Variants in LDB3 observed in about 807,000 individuals in gnomAD.
The protein encoded by LDB3 is LIM domain-binding protein 3.
Under a neutral mutation model 69.0 loss-of-function variants are expected in LDB3, and 49 were observed. That is an observed-to-expected ratio of 0.71 (90% CI 0.56 to 0.90). The LOEUF is 0.90. Among genes scored for constraint, LDB3 ranks in the 40% least tolerant of loss-of-function variants. LDB3 has a pLI of 0.00. For synonymous variants in LDB3, 387 were observed against 396.2 expected (o/e 0.98, Z 0.28); for missense variants, 928 against 974.1 (o/e 0.95, Z 0.63).
At chr10:86,685,736 G>A (rs371246396) in intron 5 of LDB3, 80 of 1,613,284 alleles carry the variant, frequency 5.0e-5, no homozygotes, top group Middle Eastern at 1.7e-4. Context: ...GTGCGCTTGC[G>A]TGCCAGCCCC....
Position 86,735,652 on chromosome 10 carries a change from G to A in LDB3, c.*2676G>A, listed in dbSNP as rs1165281100. The A allele has an allele frequency of 6.6e-6, 1 of 151,884 alleles. No homozygotes were observed. 9.4% of individuals were successfully genotyped at this position (151,884 alleles called of 1,614,324 possible). On this transcript the variant is annotated 3_prime_UTR_variant, in exon 14 of 14. Coordinates refer to ENST00000361373, the MANE Select transcript of LDB3 (RefSeq NM_007078.3). Reference sequence around the variant, plus strand: ...CAAAATTAGCCAGGTGTGGTGGCAGGCGCCTGTAGTTCCAGCTACTTGGGA... The same window carrying A: ...CAAAATTAGCCAGGTGTGGTGGCAGACGCCTGTAGTTCCAGCTACTTGGGA...
Position 86,681,717 on chromosome 10 carries a change from G to A in LDB3, c.603G>A (p.Leu201=), listed in dbSNP as rs1845149782. ...GGCAATATAACAACCCCATTGGCCTGTACTCGGCAGAGACCCTGAGGGAGA... is the reference window on the plus strand; with the variant it reads ...GGCAATATAACAACCCCATTGGCCTATACTCGGCAGAGACCCTGAGGGAGA... ...QPRQYNNPIG[L]YSAETLREMA... is the part of the protein sequence containing the mutation. Residue 201 remains leucine, a synonymous_variant, in exon 5 of 14, where the codon CTG becomes CTA. Transcript: ENST00000361373. 3 of 1,612,288 alleles carry A rather than the reference G, an allele frequency of 1.9e-6. No homozygotes were observed. Among genetic ancestry groups the A allele is most frequent in the African/African-American group, 1.3e-5 (1 of 74,998 alleles).
chr10:86,709,860 TG>T (rs1261548492), intron 8 of LDB3, 44 bp from the exon 9 acceptor site: 2 of 1,601,124 alleles, frequency 1.2e-6, no homozygotes, highest in African/African-American at 1.3e-5. Context: ...CAGGCCCCAG[TG>T]GGGGCTGTCC....
At chr10:86,702,950 C>G (rs1193359531) in intron 7 of LDB3, among the ~76,000 whole-genome samples, 1 of 152,196 alleles carries the variant, frequency 6.6e-6, no homozygotes, top group Non-Finnish European at 1.5e-5. Flanking sequence ...TGATCATCGT[C>G]CTGGTGCTGT....
chr10:86,709,548 G>A (rs1165946584), intron 8 of LDB3, among the ~76,000 whole-genome samples: 33 of 152,226 alleles, frequency 2.2e-4, no homozygotes, highest in Non-Finnish European at 7.4e-5. Context: ...TGCCCCACAA[G>A]GTCGTGGGGG....
intron 9 of LDB3, among the ~76,000 whole-genome samples, chr10:86,714,717 A>G (rs1055559163): frequency 2.0e-5 from 3 of 151,740 alleles, no homozygotes; most frequent in African/African-American, 7.3e-5. Context: ...CACCACACCC[A>G]GCTAATTTTT....
intron 2 of LDB3, among the ~76,000 whole-genome samples, chr10:86,673,436 G>A (rs1349203649): frequency 2.0e-5 from 3 of 152,194 alleles, no homozygotes; most frequent in African/African-American, 4.8e-5. Flanking sequence ...GGAGTCTGGA[G>A]GTGCAGAAAG....
chr10:86,681,496 G>T lies in LDB3; in HGVS notation c.382G>T (p.Ala128Ser). Reference protein sequence around the residue: ...VAPSPSPEARASPGTPGTPEL... With the variant: ...VAPSPSPEARSSPGTPGTPEL... ...ACCCAGCCCCAGCCCTGAGGCGAGG[G>T]CCAGCCCAGGCACCCCAGGCACCCC... The change falls in exon 5 of 14, where the codon GCC becomes TCC. Residue 128 changes from alanine (A) to serine (S), a missense_variant. Ala to Ser is a moderately conservative substitution (Grantham distance 99). Coordinates refer to ENST00000361373, the MANE Select transcript of LDB3 (RefSeq NM_007078.3). 1 of 1,610,260 alleles carries T rather than the reference G, an allele frequency of 6.2e-7. No individual in the cohort carries two copies.
At position 86,718,788 on chromosome 10, in the gene LDB3, A is replaced by C. The variant is rs758596846; in HGVS notation, c.1919A>C (p.Lys640Thr). 1 of 1,614,192 alleles carries C rather than the reference A, an allele frequency of 6.2e-7. No homozygotes were observed. Among genetic ancestry groups the C allele is most frequent in the Admixed American group, 1.7e-5 (1 of 60,028 alleles). ...ACCTGCTTCGTCTGTGCGGCCTGCAAGAAGCCTTTTGGGAACAGCCTCTTC... is the reference window on the plus strand; with the variant it reads ...ACCTGCTTCGTCTGTGCGGCCTGCACGAAGCCTTTTGGGAACAGCCTCTTC... Reference protein sequence around the residue: ...HTTCFVCAACKKPFGNSLFHM... With the variant: ...HTTCFVCAACTKPFGNSLFHM... Residue 640 changes from lysine (K) to threonine (T), a missense_variant, in exon 12 of 14, where the codon AAG becomes ACG. Transcript: ENST00000361373.
intron 7 of LDB3, among the ~76,000 whole-genome samples, chr10:86,702,051 TC>T (rs1846281472): frequency 6.6e-6 from 1 of 152,130 alleles, no homozygotes. Context: ...AGCTCAGGGT[TC>T]CCCTGAGCCA....
chr10:86,676,210 T>C (rs1452644434), intron 2 of LDB3, among the ~76,000 whole-genome samples: 2 of 152,158 alleles, frequency 1.3e-5, no homozygotes, highest in African/African-American at 4.8e-5. Flanking sequence ...CTTTCCTGTC[T>C]CTGCAGATTC....
chr10:86,703,254 C>G (rs1846327126), intron 7 of LDB3, among the ~76,000 whole-genome samples: 1 of 152,224 alleles, frequency 6.6e-6, no homozygotes, highest in African/African-American at 2.4e-5. Context: ...TCTGTGTCAG[C>G]CTGAGCCGTC....
chr10:86,680,830 C>T (rs12243535), intron 4 of LDB3, among the ~76,000 whole-genome samples: 3,192 of 152,288 alleles, frequency 0.021, 113 homozygotes, highest in African/African-American at 0.074. Context: ...CCCCACCTGT[C>T]CAATGGGGCA....
rs189236168 is a variant in LDB3 at position 86,699,837 on chromosome 10, C to T, written c.897-6694C>T. 242 of 1,025,378 alleles carry T rather than the reference C, an allele frequency of 2.4e-4. No homozygotes were observed. In the African/African-American group the frequency reaches 4.0e-3, roughly 17 times the overall value. 63.5% of individuals were successfully genotyped at this position (1,025,378 alleles called of 1,614,324 possible). On this transcript the variant is annotated intron_variant, in intron 7 of 13. Transcript: ENST00000361373. This position sits in a 1 kb window ranked among gnomAD's most constrained non-coding sequence, Gnocchi z 4.9. The stretch of plus-strand genomic sequence containing the variant: ...CTGATCCCTGGCGCTGCCCGGCTCC[C>T]TCGCTGCCCTCTGGAGCTCAGGGCA...
At chr10:86,718,545 TG>T (rs1846959619) in intron 11 of LDB3, among the ~76,000 whole-genome samples, 181 bp from the exon 12 acceptor site, 1 of 152,220 alleles carries the variant, frequency 6.6e-6, no homozygotes. Context: ...GGCACCCAGC[TG>T]GAGAGTGACA....
intron 2 of LDB3, among the ~76,000 whole-genome samples, chr10:86,673,476 C>T (rs567661741): frequency 4.6e-5 from 7 of 152,124 alleles, no homozygotes; most frequent in Admixed American, 2.6e-4. Context: ...TTGGAGCCAC[C>T]CAGGCAGGCA....
intron 5 of LDB3, among the ~76,000 whole-genome samples, chr10:86,689,150 C>A (rs542924535): frequency 1.3e-5 from 2 of 152,274 alleles, no homozygotes; most frequent in Admixed American, 1.3e-4. Flanking sequence ...TTCACCCACC[C>A]CATTCCCATA....
intron 12 of LDB3, among the ~76,000 whole-genome samples, chr10:86,722,559 C>T (rs1374534963): frequency 3.6e-5 from 2 of 55,226 alleles, no homozygotes; most frequent in Non-Finnish European, 6.6e-5. Context: ...CGTGCCTGGC[C>T]TTTTTTTTTT....
At chr10:86,707,504 G>T (rs1846487249) in intron 8 of LDB3, among the ~76,000 whole-genome samples, 1 of 152,096 alleles carries the variant, frequency 6.6e-6, no homozygotes, top group African/African-American at 2.4e-5. Context: ...AGGCAGAGAG[G>T]CCAGGCTGAC....
Sources: allele counts gnomAD v4.1 joint callset (sites outside exome capture counted in the v4.1 genomes callset), GRCh38; gene constraint gnomAD v4.1.1; non-coding constraint Gnocchi (gnomAD v3.1); transcripts MANE v1.5; gene names NCBI Gene and HGNC (gene_info 2026-07-23, HGNC 2026-07-21).